The following MCC variants were observed in gnomAD, a reference collection of about 807,000 sequenced individuals.
The protein encoded by MCC is MCC regulator of Wnt signaling pathway, also known as colorectal mutant cancer protein.
MCC carries 90 observed loss-of-function variants against 116.2 expected under a neutral mutation model. The ratio of observed to expected loss-of-function variants is 0.77; its 90% CI spans 0.65 to 0.92. The LOEUF is 0.92. Ranked by LOEUF, MCC falls within the 40% of genes least tolerant of loss-of-function variation. The pLI, the probability that MCC is intolerant of heterozygous loss-of-function variation, is 0.00. For synonymous variants in MCC, 578 were observed against 510.5 expected (o/e 1.13, Z -1.78); for missense variants, 1,516 against 1,312.2 (o/e 1.16, Z -2.40).
At chr5:113,487,117 C>T (rs348946) in intron 1 of MCC, among the ~76,000 whole-genome samples, 104,253 of 151,580 alleles carry the variant, frequency 0.69, 36,262 homozygotes, top group East Asian at 0.88. Context: ...AAAAATTCAC[C>T]TAAGAATGAT....
At chr5:113,052,212 TTA>T in intron 15 of MCC, among the ~76,000 whole-genome samples, 1 of 152,346 alleles carries the variant, frequency 6.6e-6, no homozygotes, top group East Asian at 1.9e-4. Context: ...AAGGAAATCC[TTA>T]GTCTTTGGCC....
intron 3 of MCC, among the ~76,000 whole-genome samples, chr5:113,326,761 C>A (rs1767565075): frequency 6.6e-6 from 1 of 152,060 alleles, no homozygotes; most frequent in Admixed American, 6.6e-5. Flanking sequence ...TGAATATATT[C>A]CAGTATTATG....
At chr5:113,466,387 T>C (rs1188018471) in intron 1 of MCC, among the ~76,000 whole-genome samples, 4 of 137,040 alleles carry the variant, frequency 2.9e-5, no homozygotes, top group South Asian at 2.5e-4. Context: ...CCTGTGTCCA[T>C]GTGTTCTCAT....
At chr5:113,165,520 T>C (rs1047808639) in intron 3 of MCC, among the ~76,000 whole-genome samples, 1 of 152,116 alleles carries the variant, frequency 6.6e-6, no homozygotes, top group Non-Finnish European at 1.5e-5. Flanking sequence ...GCAGATGGGA[T>C]AGCTAAGGAC....
chr5:113,210,475 G>A (rs1296322523), intron 3 of MCC, among the ~76,000 whole-genome samples: 2 of 152,222 alleles, frequency 1.3e-5, no homozygotes, highest in Non-Finnish European at 2.9e-5. Context: ...GGGACAGCTA[G>A]TGTATTAGAT....
At chr5:113,325,984 G>A (rs1581400757) in intron 3 of MCC, among the ~76,000 whole-genome samples, 1 of 152,214 alleles carries the variant, frequency 6.6e-6, no homozygotes, top group African/African-American at 2.4e-5. Context: ...TGAGTGTGGA[G>A]TAAGGGGCAG....
intron 11 of MCC, among the ~76,000 whole-genome samples, chr5:113,079,340 A>G (rs1332265802): frequency 6.6e-6 from 1 of 152,230 alleles, no homozygotes; most frequent in Non-Finnish European, 1.5e-5. Flanking sequence ...AAAAGAGCCC[A>G]CATTGCTAAG....
At chr5:113,058,170 A>T (rs2150225921) in intron 14 of MCC, among the ~76,000 whole-genome samples, 1 of 152,366 alleles carries the variant, frequency 6.6e-6, no homozygotes, top group East Asian at 1.9e-4. Context: ...GGAAATATAA[A>T]TTTATACTTG....
intron 16 of MCC, among the ~76,000 whole-genome samples, chr5:113,046,563 G>A (rs746967032): frequency 2.6e-5 from 4 of 151,668 alleles, no homozygotes; most frequent in Non-Finnish European, 5.9e-5. Context: ...AGGAACTAGG[G>A]GAAAATGCTC....
chr5:113,215,547 T>C (rs371956244), intron 3 of MCC, among the ~76,000 whole-genome samples: 7 of 152,218 alleles, frequency 4.6e-5, no homozygotes, highest in African/African-American at 9.6e-5. Flanking sequence ...AAGGCTCTTA[T>C]AAAAGACGGT....
chr5:113,176,406 G>T (rs983333506), intron 3 of MCC, among the ~76,000 whole-genome samples: 3 of 152,330 alleles, frequency 2.0e-5, no homozygotes, highest in South Asian at 4.1e-4. Context: ...CCAACACTCA[G>T]ACATCTGAAG....
At chr5:113,461,419 T>C (rs1364036173) in intron 1 of MCC, among the ~76,000 whole-genome samples, 2 of 152,170 alleles carry the variant, frequency 1.3e-5, no homozygotes, top group African/African-American at 4.8e-5. Context: ...CAAAGTTACA[T>C]GGCCAGTATG....
At chr5:113,122,449 G>A (rs924591916) in intron 6 of MCC, among the ~76,000 whole-genome samples, 3 of 152,178 alleles carry the variant, frequency 2.0e-5, no homozygotes, top group African/African-American at 4.8e-5. Context: ...CCTACTTCCA[G>A]AATTTTCAAA....
At chr5:113,331,071 G>A (rs567410829) in intron 3 of MCC, among the ~76,000 whole-genome samples, 1 of 152,368 alleles carries the variant, frequency 6.6e-6, no homozygotes, top group African/African-American at 2.4e-5. Flanking sequence ...GAAGATGCCA[G>A]CTGGCAGCAA....
chr5:113,160,412 A>T (rs1215279442), intron 3 of MCC, among the ~76,000 whole-genome samples: 1 of 152,234 alleles, frequency 6.6e-6, no homozygotes, highest in Non-Finnish European at 1.5e-5. Context: ...TGCTATACTC[A>T]GCATATAACA....
intron 5 of MCC, among the ~76,000 whole-genome samples, chr5:113,132,317 T>C (rs1758478711): frequency 6.6e-6 from 1 of 150,396 alleles, no homozygotes; most frequent in Non-Finnish European, 1.5e-5. Context: ...TCACCCTATA[T>C]GAAATAATAG....
intron 12 of MCC, among the ~76,000 whole-genome samples, chr5:113,069,957 T>C (rs1753921248): frequency 6.6e-6 from 1 of 152,244 alleles, no homozygotes; most frequent in Non-Finnish European, 1.5e-5. Context: ...CCCTAGGTGA[T>C]ACCAGCTCCT....
chr5:113,262,720 G>A (rs1239044570), intron 3 of MCC, among the ~76,000 whole-genome samples: 1 of 152,118 alleles, frequency 6.6e-6, no homozygotes, highest in African/African-American at 2.4e-5. Context: ...CTCAAACTTT[G>A]TTGAGCATCA....
chr5:113,159,211 C>G (rs568359432), intron 3 of MCC, among the ~76,000 whole-genome samples: 1 of 152,160 alleles, frequency 6.6e-6, no homozygotes, highest in African/African-American at 2.4e-5. Context: ...TGGTTTTAAA[C>G]TTGTAACATG....
Sources: allele counts gnomAD v4.1 joint callset (sites outside exome capture counted in the v4.1 genomes callset), GRCh38; gene constraint gnomAD v4.1.1; transcripts MANE v1.5; gene names NCBI Gene and HGNC (gene_info 2026-07-23, HGNC 2026-07-21).